CPEB3: variants seen among roughly 807,000 people sequenced by gnomAD.
CPEB3 encodes the protein cytoplasmic polyadenylation element binding protein 3.
Under a neutral mutation model 67.2 loss-of-function variants are expected in CPEB3, and 20 were observed. The ratio of observed to expected loss-of-function variants is 0.30; its 90% CI spans 0.21 to 0.43. The LOEUF (loss-of-function observed/expected upper bound fraction) is 0.43. Ranked by LOEUF, CPEB3 falls within the 20% of genes least tolerant of loss-of-function variation. The probability of loss-of-function intolerance (pLI) is 1.00; values close to 1 mark genes in which losing one functional copy is unlikely to be tolerated. For missense variants in CPEB3, 746 were observed against 968.6 expected (o/e 0.77, Z 3.05); for synonymous variants, 376 against 393.1 (o/e 0.96, Z 0.51).
Position 92,046,827 on chromosome 10 carries a change from A to G in CPEB3, c.*5385T>C, listed in dbSNP as rs1395212833. The G allele has an allele frequency of 1.3e-5, 2 of 152,366 alleles. No individual in the cohort carries two copies. Among genetic ancestry groups the G allele is most frequent in the East Asian group, 1.9e-4 (1 of 5,190 alleles). 9.4% of individuals were successfully genotyped at this position (152,366 alleles called of 1,614,324 possible). ...ACAGTACTGTAGTTCCATACAAGCA[A>G]TATTAGTCCAAGCCCCAAAGGCAGA... is the stretch of plus-strand genomic sequence containing the variant. On this transcript the variant is annotated 3_prime_UTR_variant, in exon 10 of 10. Coordinates refer to ENST00000265997, the MANE Select transcript of CPEB3 (RefSeq NM_014912.5).
chr10:92,127,515 A>G (rs1053036533), intron 6 of CPEB3, among the ~76,000 whole-genome samples: 1 of 151,942 alleles, frequency 6.6e-6, no homozygotes, highest in Non-Finnish European at 1.5e-5. Context: ...CATCTCTACT[A>G]AAAAATCCTA....
intron 8 of CPEB3, among the ~76,000 whole-genome samples, chr10:92,083,250 C>T (rs1365388529): frequency 6.6e-6 from 1 of 152,136 alleles, no homozygotes; most frequent in Non-Finnish European, 1.5e-5. Context: ...ATAAGTAAGC[C>T]TAAGAGTAAG....
chr10:92,089,659 T>C (rs762990820), intron 8 of CPEB3, among the ~76,000 whole-genome samples: 5 of 152,170 alleles, frequency 3.3e-5, no homozygotes, highest in Non-Finnish European at 5.9e-5. Flanking sequence ...GGTGTGCGCC[T>C]GTAGTCCCAA....
intron 4 of CPEB3, among the ~76,000 whole-genome samples, chr10:92,172,687 T>C (rs1381595179): frequency 6.6e-5 from 10 of 152,130 alleles, no homozygotes; most frequent in Non-Finnish European, 1.5e-4. Flanking sequence ...AACCTAAAAG[T>C]TGAAAGGGGG....
At chr10:92,087,198 T>C (rs1843411361) in intron 8 of CPEB3, among the ~76,000 whole-genome samples, 1 of 152,260 alleles carries the variant, frequency 6.6e-6, no homozygotes, top group Non-Finnish European at 1.5e-5. Flanking sequence ...ATATGTTCTC[T>C]AGATATATGC....
chr10:92,170,615 AAAGAG>A (rs1489352931), intron 4 of CPEB3, among the ~76,000 whole-genome samples: 1 of 152,154 alleles, frequency 6.6e-6, no homozygotes, highest in Non-Finnish European at 1.5e-5. Flanking sequence ...CTGATGAAAG[AAAGAG>A]AAAAGAAGGA....
chr10:92,136,817 T>C (rs2133773225), intron 6 of CPEB3: 1 of 152,794 alleles, frequency 6.5e-6, no homozygotes, highest in Non-Finnish European at 1.5e-5. Context: ...CCTCAGCCTC[T>C]CAAAGTGCTG....
intron 2 of CPEB3, among the ~76,000 whole-genome samples, chr10:92,215,111 G>C (rs967719916): frequency 1.3e-5 from 2 of 151,080 alleles, no homozygotes; most frequent in Non-Finnish European, 2.9e-5. Flanking sequence ...GCCACCCAAA[G>C]TGCTGGCATC....
intron 4 of CPEB3, among the ~76,000 whole-genome samples, chr10:92,159,339 TG>T (rs1847356577): frequency 6.6e-6 from 1 of 151,938 alleles, no homozygotes; most frequent in African/African-American, 2.4e-5. Context: ...GAAGATAATT[TG>T]GAGTTACATT....
chr10:92,140,283 G>T (rs1003111847), intron 6 of CPEB3, among the ~76,000 whole-genome samples: 29 of 152,036 alleles, frequency 1.9e-4, no homozygotes, highest in Admixed American at 3.9e-4. Flanking sequence ...CCAAAACAGA[G>T]ATATAGATCA....
chr10:92,240,185 G>A lies in CPEB3; in HGVS notation c.166C>T (p.Leu56Phe). 6.5e-7 allele frequency: 1 copy of A among 1,529,736 alleles called. No homozygotes were observed. Among genetic ancestry groups the A allele is most frequent in the Non-Finnish European group, 8.8e-7 (1 of 1,136,412 alleles). 94.8% of individuals were successfully genotyped at this position (1,529,736 alleles called of 1,614,324 possible). Residue 56 changes from leucine to phenylalanine, a missense_variant, in exon 2 of 10, where the codon CTC (leucine) becomes TTC (phenylalanine). Transcript: ENST00000265997. ...KPEENSAVPA[L>F]SPAAAPPAPN... The stretch of plus-strand genomic sequence containing the variant: ...GCCGGGGGGGCAGCGGCTGGGCTGA[G>A]GGCCGGCACTGCGCTGTTTTCCTCC...
intron 7 of CPEB3, among the ~76,000 whole-genome samples, chr10:92,097,450 C>T (rs1357734554): frequency 6.6e-6 from 1 of 152,140 alleles, no homozygotes; most frequent in African/African-American, 2.4e-5. Context: ...CTCTAAAGCA[C>T]GTATTCCTAT....
chr10:92,191,094 A>T (rs1049147269), intron 3 of CPEB3, among the ~76,000 whole-genome samples: 26 of 152,228 alleles, frequency 1.7e-4, no homozygotes, highest in Admixed American at 3.3e-4. Context: ...AAAGTCAAAA[A>T]CTTTTTTTTA....
intron 1 of CPEB3, among the ~76,000 whole-genome samples, chr10:92,288,588 G>A (rs1278498541): frequency 6.6e-6 from 1 of 152,080 alleles, no homozygotes; most frequent in East Asian, 1.9e-4. Context: ...TCACTCTTTA[G>A]ACCAGTAACA....
chr10:92,269,894 T>A (rs560326521), intron 1 of CPEB3, among the ~76,000 whole-genome samples: 1 of 152,220 alleles, frequency 6.6e-6, no homozygotes, highest in South Asian at 2.1e-4. Flanking sequence ...TCCTCCCTTA[T>A]CAAATCCTAG....
chr10:92,225,745 AG>A (rs1034487720), intron 2 of CPEB3, among the ~76,000 whole-genome samples: 24 of 152,352 alleles, frequency 1.6e-4, no homozygotes, highest in African/African-American at 5.8e-4. Flanking sequence ...GACACAAAAA[AG>A]AAATAATTAA....
chr10:92,216,373 G>A (rs1255503732), intron 2 of CPEB3: 6 of 1,611,908 alleles, frequency 3.7e-6, no homozygotes, highest in East Asian at 2.2e-5. Context: ...CCGAGGCTCA[G>A]GCGGAGGTGT....
At position 92,279,547 on chromosome 10, in the gene CPEB3, C is replaced by A. The variant is rs184867461; in HGVS notation, c.-12+11379G>T. On this transcript the variant is annotated intron_variant, in intron 1 of 9. Coordinates refer to ENST00000265997, the MANE Select transcript of CPEB3 (RefSeq NM_014912.5). ...CTTCACGTTCATTGTCATCTTTATTCCTTCCAACAGAAGATCTGCTATTGT... is the reference window on the plus strand; with the variant it reads ...CTTCACGTTCATTGTCATCTTTATTACTTCCAACAGAAGATCTGCTATTGT... 2.0e-5 allele frequency among the ~76,000 whole-genome samples: 3 copies of A among 152,172 alleles called. No homozygotes were observed. The East Asian group carries it at 5.8e-4, about 29-fold the overall frequency.
intron 2 of CPEB3, among the ~76,000 whole-genome samples, chr10:92,194,782 C>T (rs1484288856): frequency 6.6e-6 from 1 of 152,138 alleles, no homozygotes; most frequent in African/African-American, 2.4e-5. Flanking sequence ...TGGCTCACGC[C>T]TGTAATCCCA....
Sources: allele counts gnomAD v4.1 joint callset (sites outside exome capture counted in the v4.1 genomes callset), GRCh38; gene constraint gnomAD v4.1.1; transcripts MANE v1.5; gene names NCBI Gene and HGNC (gene_info 2026-07-23, HGNC 2026-07-21).